The following NXPE2 variants were observed in gnomAD, a reference collection of about 807,000 sequenced individuals.
The protein encoded by NXPE2 is NXPE family member 2.
A neutral mutation model predicts 34.4 loss-of-function variants in NXPE2; 34 were observed. The observed-to-expected ratio is 0.99, with a 90% CI of 0.75 to 1.31. The LOEUF (loss-of-function observed/expected upper bound fraction) is 1.31. Among genes scored for constraint, NXPE2 ranks in the 40% most tolerant of loss-of-function variants. The probability of loss-of-function intolerance (pLI) is 0.00; values close to 1 mark genes in which losing one functional copy is unlikely to be tolerated. For missense variants in NXPE2, 649 were observed against 672.5 expected, an observed-to-expected ratio of 0.97 and a Z score of 0.39; for synonymous variants, 235 against 231.3, an observed-to-expected ratio of 1.02 and a Z score of -0.15.
upstream of NXPE2, among the ~76,000 whole-genome samples, chr11:114,674,152 T>G (rs1950832253): frequency 6.6e-6 from 1 of 151,734 alleles, no homozygotes; most frequent in Non-Finnish European, 1.5e-5. Context: ...GCTAAGGAAT[T>G]AAAATGCCTT....
the NXPE2 span, among the ~76,000 whole-genome samples, chr11:114,806,383 G>T: frequency 2.1e-3 from 323 of 152,256 alleles, 6 homozygotes; most frequent in Admixed American, 0.019. Flanking sequence ...AGCTTCAGAT[G>T]ATCAAACTAC....
At chr11:114,674,619 G>A (rs190100169), upstream of NXPE2, among the ~76,000 whole-genome samples, 40 of 151,086 alleles carry the variant, frequency 2.6e-4, no homozygotes, top group Admixed American at 6.6e-4. Flanking sequence ...AAGAGAGAAA[G>A]AACGACACAA....
At chr11:114,549,769 TGAAAAG>T in the NXPE2 span, among the ~76,000 whole-genome samples, 1 of 152,030 alleles carries the variant, frequency 6.6e-6, no homozygotes, top group Non-Finnish European at 1.5e-5. Flanking sequence ...ACACTGGAAT[TGAAAAG>T]GAAATAAAAA....
chr11:114,659,657 G>T, the NXPE2 span, among the ~76,000 whole-genome samples: 90 of 152,128 alleles, frequency 5.9e-4, no homozygotes, highest in African/African-American at 2.0e-3. Flanking sequence ...TCAAAATATG[G>T]GGATGCAGGT....
chr11:114,579,285 G>A, the NXPE2 span, among the ~76,000 whole-genome samples: 1 of 152,296 alleles, frequency 6.6e-6, no homozygotes, highest in East Asian at 1.9e-4. Flanking sequence ...CCAGTCATGA[G>A]AGATCCACCT....
At chr11:114,614,324 C>T in the NXPE2 span, among the ~76,000 whole-genome samples, 107 of 151,434 alleles carry the variant, frequency 7.1e-4, no homozygotes, top group African/African-American at 2.4e-3. Context: ...TAGGTAACCA[C>T]GGTTACCTGA....
At chr11:114,703,535 C>T (rs564013803) in intron 3 of NXPE2, among the ~76,000 whole-genome samples, 13 of 152,248 alleles carry the variant, frequency 8.5e-5, no homozygotes, top group South Asian at 4.2e-4. Context: ...GATGCACGCT[C>T]AAGTTTGAGA....
At chr11:114,697,542 A>G (rs941987938) in intron 2 of NXPE2, among the ~76,000 whole-genome samples, 3 of 152,220 alleles carry the variant, frequency 2.0e-5, no homozygotes, top group Non-Finnish European at 4.4e-5. Flanking sequence ...TGAAACTAAT[A>G]GAGTCAGCAA....
chr11:114,595,819 C>T, the NXPE2 span: 1 of 152,198 alleles, frequency 6.6e-6, no homozygotes, highest in Non-Finnish European at 1.5e-5. Context: ...TAAGGAGGGG[C>T]CTGGATCACA....
chr11:114,738,062 G>T, the NXPE2 span, among the ~76,000 whole-genome samples: 2 of 152,164 alleles, frequency 1.3e-5, no homozygotes, highest in Non-Finnish European at 2.9e-5. Context: ...ACTTCAGCTT[G>T]GGCCACAGAG....
the NXPE2 span, chr11:114,523,165 T>C: frequency 9.2e-7 from 1 of 1,091,338 alleles, no homozygotes; most frequent in Non-Finnish European, 1.4e-6. Flanking sequence ...TGGTCTTTCA[T>C]TTTCTTGCTC....
the NXPE2 span, among the ~76,000 whole-genome samples, chr11:114,632,256 GTATAATATATATGTATA>G: frequency 7.3e-6 from 1 of 136,816 alleles, no homozygotes; most frequent in African/African-American, 2.7e-5. Flanking sequence ...GTGTATATAT[GTATAATATATATGTATA>G]TATACTATAT....
At chr11:114,516,035 A>G in the NXPE2 span, among the ~76,000 whole-genome samples, 1 of 152,330 alleles carries the variant, frequency 6.6e-6, no homozygotes, top group South Asian at 2.1e-4. Flanking sequence ...AGATTAGGCA[A>G]TTAAGCAAGA....
the NXPE2 span, among the ~76,000 whole-genome samples, chr11:114,475,431 A>G: frequency 6.6e-6 from 1 of 151,576 alleles, no homozygotes; most frequent in Non-Finnish European, 1.5e-5. Context: ...TTTAGTAGAG[A>G]TGGGGTTTCG....
the NXPE2 span, among the ~76,000 whole-genome samples, chr11:114,653,527 C>T: frequency 7.5e-6 from 1 of 133,720 alleles, no homozygotes; most frequent in African/African-American, 2.7e-5. Flanking sequence ...CCTTGTCCTG[C>T]TTTCCCTTTT....
At chr11:114,631,001 A>G in the NXPE2 span, among the ~76,000 whole-genome samples, 6 of 150,560 alleles carry the variant, frequency 4.0e-5, no homozygotes, top group Non-Finnish European at 8.9e-5. Context: ...TTAGAATGGC[A>G]ATCATTAAAA....
the NXPE2 span, among the ~76,000 whole-genome samples, chr11:114,754,295 T>A: frequency 6.6e-6 from 1 of 151,982 alleles, no homozygotes; most frequent in African/African-American, 2.4e-5. Context: ...AAGGTCCCCA[T>A]CCTTTTTTTC....
the NXPE2 span, among the ~76,000 whole-genome samples, chr11:114,472,671 C>T: frequency 3.3e-5 from 5 of 151,968 alleles, no homozygotes. Context: ...CTGGCAGGGG[C>T]CCACTTCTTG....
the NXPE2 span, among the ~76,000 whole-genome samples, chr11:114,523,376 C>CT: frequency 7.9e-5 from 12 of 152,128 alleles, no homozygotes; most frequent in African/African-American, 2.4e-4. Context: ...ACGTTCTATC[C>CT]TTTTTTCCTG....
Sources: allele counts gnomAD v4.1 joint callset (sites outside exome capture counted in the v4.1 genomes callset), GRCh38; gene constraint gnomAD v4.1.1; transcripts MANE v1.5; gene names NCBI Gene and HGNC (gene_info 2026-07-23, HGNC 2026-07-21).